OXR1: variants seen among roughly 807,000 people sequenced by gnomAD.
The protein encoded by OXR1 is oxidation resistance protein 1.
Under a neutral mutation model 104.6 loss-of-function variants are expected in OXR1, and 41 were observed. The observed-to-expected ratio is 0.39, with a 90% CI of 0.31 to 0.51. OXR1 has a LOEUF of 0.51. OXR1 is among the 20% of genes least tolerant of loss of function. The pLI, the probability that OXR1 is intolerant of heterozygous loss-of-function variation, is 0.77. For missense variants in OXR1, 955 were observed against 1,031.9 expected (o/e 0.93, Z 1.02); for synonymous variants, 348 against 348.4 (o/e 1.00, Z 0.01).
chr8:106,630,649 T>C (rs1170598600), intron 3 of OXR1, among the ~76,000 whole-genome samples: 3 of 152,226 alleles, frequency 2.0e-5, no homozygotes, highest in East Asian at 3.8e-4. Flanking sequence ...AGTAACATGA[T>C]AGCAGATGAG....
At chr8:106,454,201 T>C (rs894135984) in intron 2 of OXR1, among the ~76,000 whole-genome samples, 1 of 152,110 alleles carries the variant, frequency 6.6e-6, no homozygotes, top group Non-Finnish European at 1.5e-5. Flanking sequence ...GTATTAGAGT[T>C]GAAGCATTTC....
intron 3 of OXR1, among the ~76,000 whole-genome samples, chr8:106,665,217 A>G (rs187920076): frequency 7.9e-5 from 12 of 152,238 alleles, no homozygotes; most frequent in East Asian, 7.7e-4. Context: ...ACACACACGC[A>G]CACAAACACA....
chr8:106,510,047 C>T (rs996534401), intron 2 of OXR1, among the ~76,000 whole-genome samples: 2 of 152,202 alleles, frequency 1.3e-5, no homozygotes, highest in Non-Finnish European at 2.9e-5. Flanking sequence ...TCTGGAATTA[C>T]AGGAGTAAGC....
intron 2 of OXR1, among the ~76,000 whole-genome samples, chr8:106,450,249 G>C (rs1820239560): frequency 6.6e-6 from 1 of 152,098 alleles, no homozygotes; most frequent in Admixed American, 6.6e-5. Context: ...ATTTCTTAGT[G>C]ATTAAGTGAT....
chr8:106,625,930 C>T (rs1822112105), intron 3 of OXR1, among the ~76,000 whole-genome samples: 1 of 151,366 alleles, frequency 6.6e-6, no homozygotes, highest in African/African-American at 2.4e-5. Context: ...ATATTTTTTT[C>T]TCTATATGCT....
At chr8:106,656,211 A>G (rs1027150672) in intron 3 of OXR1, 1 of 152,240 alleles carries the variant, frequency 6.6e-6, no homozygotes, top group Admixed American at 6.5e-5. Context: ...TCCAGATGCT[A>G]TAATAAAGCA....
intron 3 of OXR1, among the ~76,000 whole-genome samples, chr8:106,668,212 T>A (rs1826551140): frequency 6.6e-6 from 1 of 152,186 alleles, no homozygotes; most frequent in African/African-American, 2.4e-5. Context: ...TAGTAACCTT[T>A]TAGAATGTCC....
chr8:106,382,628 G>A (rs188705953), intron 2 of OXR1, among the ~76,000 whole-genome samples: 1 of 150,258 alleles, frequency 6.7e-6, no homozygotes, highest in East Asian at 2.0e-4. Context: ...AGAGGGTCCC[G>A]GCAATCCGGT....
intron 3 of OXR1, among the ~76,000 whole-genome samples, chr8:106,625,885 T>C (rs1021756664): frequency 1.3e-5 from 2 of 152,136 alleles, no homozygotes; most frequent in African/African-American, 4.8e-5. Flanking sequence ...TTAGATTATA[T>C]ATGTCTTTTT....
At chr8:106,601,826 G>T (rs1215696095) in intron 3 of OXR1, among the ~76,000 whole-genome samples, 8 of 152,232 alleles carry the variant, frequency 5.3e-5, no homozygotes, top group Non-Finnish European at 4.4e-5. Context: ...TGTTTGATCA[G>T]TTATATTAAG....
intron 3 of OXR1, among the ~76,000 whole-genome samples, chr8:106,618,760 C>T (rs1006437814): frequency 6.6e-6 from 1 of 152,152 alleles, no homozygotes; most frequent in African/African-American, 2.4e-5. Context: ...TAAGACTCTC[C>T]AAACCATCCC....
intron 2 of OXR1, among the ~76,000 whole-genome samples, chr8:106,518,525 A>C (rs985924155): frequency 6.6e-6 from 1 of 152,294 alleles, no homozygotes. Context: ...AAGCAGAAAA[A>C]CACTGGCAGC....
At chr8:106,580,830 G>C (rs1387204971) in intron 3 of OXR1, 1 of 205,674 alleles carries the variant, frequency 4.9e-6, no homozygotes, top group Non-Finnish European at 8.5e-6. Context: ...AATATTTTGT[G>C]AGCAAAAATG....
At chr8:106,438,410 A>G (rs759612094) in intron 2 of OXR1, among the ~76,000 whole-genome samples, 5 of 152,162 alleles carry the variant, frequency 3.3e-5, no homozygotes, top group African/African-American at 7.2e-5. Context: ...AAATATCTCA[A>G]TCATTTCTAT....
rs535477017 is a variant in OXR1 at position 106,401,377 on chromosome 8, A to G, written c.23+41741A>G. On this transcript the variant is annotated intron_variant, in intron 2 of 16. Coordinates refer to ENST00000517566, the MANE Select transcript of OXR1 (RefSeq NM_001198533.2). The stretch of plus-strand genomic sequence containing the variant: ...TCCTCTAATTAAGCGTTCGGTGTCT[A>G]CTAAGGCCTGGTAACTGTTTCTCAA... Among the ~76,000 whole-genome samples the G allele has an allele frequency of 2.6e-5, 4 of 152,276 alleles. No homozygotes were observed. The East Asian group carries it at 7.7e-4, about 29-fold the overall frequency.
At chr8:106,464,977 T>A (rs1159658796) in intron 2 of OXR1, among the ~76,000 whole-genome samples, 4 of 152,014 alleles carry the variant, frequency 2.6e-5, no homozygotes, top group Non-Finnish European at 5.9e-5. Flanking sequence ...GAAAACAGTT[T>A]GATCAAAGTT....
intron 3 of OXR1, among the ~76,000 whole-genome samples, chr8:106,671,632 G>A (rs992795611): frequency 1.3e-5 from 2 of 152,030 alleles, no homozygotes; most frequent in Non-Finnish European, 2.9e-5. Context: ...GGAATATTAT[G>A]CAGCCATAAA....
chr8:106,749,232 A>G (rs1017610856), intron 16 of OXR1, among the ~76,000 whole-genome samples: 3 of 151,478 alleles, frequency 2.0e-5, no homozygotes, highest in Non-Finnish European at 4.4e-5. Flanking sequence ...AGTCCCAGCT[A>G]TTTGGGAGGC....
intron 12 of OXR1, among the ~76,000 whole-genome samples, chr8:106,739,179 T>C (rs1429566600): frequency 6.6e-6 from 1 of 151,858 alleles, no homozygotes; most frequent in East Asian, 1.9e-4. Context: ...TGCATGCAAC[T>C]ATCTTCTTTA....
Sources: gnomAD v4.1 joint callset for allele counts (sites outside exome capture counted in the v4.1 genomes callset) on GRCh38, gnomAD v4.1.1 for gene constraint, MANE v1.5 for transcripts, NCBI Gene and HGNC (gene_info 2026-07-23, HGNC 2026-07-21) for gene names.